Variants in ATG16L1 observed in about 807,000 individuals in gnomAD.
The protein encoded by ATG16L1 is autophagy related 16 like 1.
In ATG16L1, 37 loss-of-function variants were observed where a neutral mutation model predicts 88.5. That is an observed-to-expected ratio of 0.42 (90% CI 0.32 to 0.55). The LOEUF is 0.55. Ranked by LOEUF, ATG16L1 falls within the 20% of genes least tolerant of loss-of-function variation. ATG16L1 has a pLI of 0.13. For synonymous variants in ATG16L1, 301 were observed against 281.0 expected (o/e 1.07, Z -0.71); for missense variants, 554 against 752.8 (o/e 0.74, Z 3.09).
intron 10 of ATG16L1, among the ~76,000 whole-genome samples, chr2:233,279,271 C>T (rs545211278): frequency 6.6e-6 from 1 of 152,172 alleles, no homozygotes; most frequent in African/African-American, 2.4e-5. Context: ...AAAAATAACA[C>T]TAGAAATATT....
intron 12 of ATG16L1, chr2:233,288,968 A>G: frequency 2.0e-6 from 1 of 506,884 alleles, no homozygotes; most frequent in Non-Finnish European, 4.0e-6. Context: ...CAGGGGTTTT[A>G]ATTGTTTACA....
intron 2 of ATG16L1, among the ~76,000 whole-genome samples, chr2:233,259,719 C>T (rs987019897): frequency 1.3e-5 from 2 of 152,140 alleles, no homozygotes; most frequent in Non-Finnish European, 1.5e-5. Flanking sequence ...TCGTTGTTTT[C>T]CACTAGTCAT....
intron 5 of ATG16L1, among the ~76,000 whole-genome samples, chr2:233,268,617 T>C (rs1697767698): frequency 6.6e-6 from 1 of 152,236 alleles, no homozygotes; most frequent in Non-Finnish European, 1.5e-5. Flanking sequence ...ACAAGTGCTT[T>C]AATCATAGAG....
At chr2:233,262,921 C>T (rs1697317525) in intron 2 of ATG16L1, among the ~76,000 whole-genome samples, 1 of 152,162 alleles carries the variant, frequency 6.6e-6, no homozygotes, top group African/African-American at 2.4e-5. Flanking sequence ...GTCACAGTTG[C>T]TTTGCTTTTT....
chr2:233,292,663 G>C (rs1391134008), intron 16 of ATG16L1, among the ~76,000 whole-genome samples: 1 of 152,202 alleles, frequency 6.6e-6, no homozygotes, highest in East Asian at 1.9e-4. Flanking sequence ...ACAGTTGGCT[G>C]GTTGCTTTGT....
chr2:233,286,726 C>T (rs1428134979), intron 12 of ATG16L1, among the ~76,000 whole-genome samples: 2 of 149,684 alleles, frequency 1.3e-5, no homozygotes, highest in Non-Finnish European at 3.0e-5. Context: ...CCTGGGTTCA[C>T]ACCATTCTCC....
intron 5 of ATG16L1, among the ~76,000 whole-genome samples, chr2:233,266,705 A>G (rs900053309): frequency 6.6e-6 from 1 of 152,252 alleles, no homozygotes; most frequent in Non-Finnish European, 1.5e-5. Context: ...ACCATTCACA[A>G]TAGCCAAGAT....
chr2:233,273,296 C>G, intron 7 of ATG16L1: 1 of 527,668 alleles, frequency 1.9e-6, no homozygotes, highest in Middle Eastern at 5.0e-4. Context: ...GTGGCTTACT[C>G]AAATATGGAC....
At chr2:233,289,483 T>C (rs1443976492) in intron 12 of ATG16L1, among the ~76,000 whole-genome samples, 1 of 151,576 alleles carries the variant, frequency 6.6e-6, no homozygotes, top group Non-Finnish European at 1.5e-5. Context: ...CCTCCCAGGC[T>C]CAAGCAATCC....
In ATG16L1 at chr2:233,282,610, G is replaced by A. The variant is rs1574888848; in HGVS notation, c.1132-72G>A. On this transcript the variant is annotated intron_variant, in intron 11 of 17. Transcript: ENST00000392017. ...AACCTTCTTGTACTTGATTATTGGG[G>A]AATTTATATCGTGTGAACTGAATTC... 1.1e-5 allele frequency: 15 copies of A among 1,326,298 alleles called. No individual in the cohort carries two copies. In the East Asian group the frequency reaches 3.2e-4, roughly 29 times the overall value. The allele number at this position is 1,326,298 out of a possible 1,614,324, so 82.2% of individuals were successfully genotyped here. A position where few individuals can be genotyped will look rare whatever the true frequency, so the allele number is the denominator to read the frequency against.
At position 233,264,215 on chromosome 2, in the gene ATG16L1, C is replaced by T. The variant is rs1697410772; in HGVS notation, c.389+150C>T. ...TTCAGTGCATACACACTCTGGGATCCTTTTCTACCAGCTCTGAGAAGGAAA... is the reference window on the plus strand; with the variant it reads ...TTCAGTGCATACACACTCTGGGATCTTTTTCTACCAGCTCTGAGAAGGAAA... On this transcript the variant is annotated intron_variant, in intron 4 of 17. Coordinates refer to ENST00000392017, the MANE Select transcript of ATG16L1 (RefSeq NM_030803.7). The T allele has an allele frequency of 5.9e-6, 4 of 672,740 alleles. No individual in the cohort carries two copies. In the South Asian group the frequency reaches 7.2e-5, roughly 12 times the overall value. The allele number at this position is 672,740 out of a possible 1,614,324, so 41.7% of individuals were successfully genotyped here. A position where few individuals can be genotyped will look rare whatever the true frequency, so the allele number is the denominator to read the frequency against.
chr2:233,287,818 CA>C (rs1465979517), intron 12 of ATG16L1, among the ~76,000 whole-genome samples: 1 of 152,178 alleles, frequency 6.6e-6, no homozygotes, highest in African/African-American at 2.4e-5. Flanking sequence ...GCGGAGGTTG[CA>C]GTGAGCTGAG....
In ATG16L1 at chr2:233,294,494, C is replaced by T. The variant is rs547923813; in HGVS notation, c.*144C>T. 6.6e-5 allele frequency: 36 copies of T among 545,602 alleles called. No individual in the cohort carries two copies. In the East Asian group the frequency reaches 8.8e-4, roughly 13 times the overall value. 33.8% of individuals were successfully genotyped at this position (545,602 alleles called of 1,614,324 possible). On this transcript the variant is annotated 3_prime_UTR_variant, in exon 18 of 18. Coordinates refer to ENST00000392017, the MANE Select transcript of ATG16L1 (RefSeq NM_030803.7). ...AAGCTATGTGGCACTGTAGCTTTGC[C>T]GTGAATGGGATTTCTGAAGATTTGA...
At chr2:233,270,634 T>C (rs1697932138) in intron 6 of ATG16L1, among the ~76,000 whole-genome samples, 1 of 152,162 alleles carries the variant, frequency 6.6e-6, no homozygotes, top group Non-Finnish European at 1.5e-5. Context: ...TTTGTTGTTG[T>C]TGTTTTGTTT....
chr2:233,282,941 T>TC lies in ATG16L1; in HGVS notation c.1203+189dup, dbSNP rs1375209493. ...TATACTCTTTGTCCAAAACTCAGTT[T>TC]CAAAATATTTGCAATGGGACCCTCA... On this transcript the variant is annotated intron_variant, in intron 12 of 17. Coordinates refer to ENST00000392017, the MANE Select transcript of ATG16L1 (RefSeq NM_030803.7). 38 of 555,050 alleles carry TC rather than the reference T, an allele frequency of 6.8e-5. No individual in the cohort carries two copies. In the East Asian group the frequency reaches 1.2e-3, roughly 17 times the overall value. 34.4% of individuals were successfully genotyped at this position (555,050 alleles called of 1,614,324 possible).
Position 233,265,158 on chromosome 2 carries a change from C to A in ATG16L1, c.641+15C>A. ...AAAGACTCCAGGTGGGCTATCAATCCACAGTTAGTGGTTTCCATCCTTAGT... is the reference window on the plus strand; with the variant it reads ...AAAGACTCCAGGTGGGCTATCAATCAACAGTTAGTGGTTTCCATCCTTAGT... On this transcript the variant is annotated intron_variant, in intron 5 of 17. Transcript: ENST00000392017. 6.2e-7 allele frequency: 1 copy of A among 1,613,376 alleles called. No individual in the cohort carries two copies. Among genetic ancestry groups the A allele is most frequent in the African/African-American group, 1.3e-5 (1 of 74,908 alleles).
At chr2:233,269,493 T>G (rs1697834706) in intron 5 of ATG16L1, among the ~76,000 whole-genome samples, 1 of 152,230 alleles carries the variant, frequency 6.6e-6, no homozygotes. Flanking sequence ...GATTTACCAT[T>G]AATTTCAACT....
At chr2:233,258,947 C>T (rs889865127) in intron 2 of ATG16L1, among the ~76,000 whole-genome samples, 2 of 152,192 alleles carry the variant, frequency 1.3e-5, no homozygotes, top group Non-Finnish European at 2.9e-5. Context: ...GATCCTCCCT[C>T]CTCAACCTTC....
rs773896903 is a variant in ATG16L1, at chr2:233,270,015, C to T, written c.655C>T (p.Arg219Trp). ...TTTTCCCAACAGGAGGCGGCAAGCCCGGCTGCAGAAAGAGCTTGCAGAAGC... is the reference window on the plus strand; with the variant it reads ...TTTTCCCAACAGGAGGCGGCAAGCCTGGCTGCAGAAAGAGCTTGCAGAAGC... ...NEKDSRRRQARLQKELAEAAK... is the reference protein window; with the variant it reads ...NEKDSRRRQAWLQKELAEAAK... Residue 219 changes from arginine to tryptophan, a missense_variant, in exon 6 of 18, where the codon CGG becomes TGG. This residue lies in a region of ATG16L1 where 370 missense variants were observed against 509.7 expected (regional missense o/e 0.73). Coordinates refer to ENST00000392017, the MANE Select transcript of ATG16L1 (RefSeq NM_030803.7). The T allele has an allele frequency of 3.2e-6, 5 of 1,578,656 alleles. No individual in the cohort carries two copies. The highest frequency in any genetic ancestry group is 2.3e-5 in the East Asian group (1 of 43,510).
Sources: gnomAD v4.1 joint callset for allele counts (sites outside exome capture counted in the v4.1 genomes callset) on GRCh38, gnomAD v4.1.1 for gene constraint, gnomAD v4.1.1 regional missense constraint, MANE v1.5 for transcripts, NCBI Gene and HGNC (gene_info 2026-07-23, HGNC 2026-07-21) for gene names.